The following TGFBRAP1 variants were observed in gnomAD, a reference collection of about 807,000 sequenced individuals.
The protein encoded by TGFBRAP1 is transforming growth factor-beta receptor-associated protein 1.
A neutral mutation model predicts 83.2 loss-of-function variants in TGFBRAP1; 20 were observed. The observed-to-expected ratio is 0.24, with a 90% CI of 0.17 to 0.35. The LOEUF (loss-of-function observed/expected upper bound fraction) is 0.35. Among genes scored for constraint, TGFBRAP1 ranks in the 10% least tolerant of loss-of-function variants. TGFBRAP1 has a pLI of 1.00. For synonymous variants in TGFBRAP1, 415 were observed against 459.8 expected (o/e 0.90, Z 1.25); for missense variants, 950 against 1,099.4 (o/e 0.86, Z 1.92).
At chr2:105,263,034 C>T (rs946452285), downstream of TGFBRAP1, among the ~76,000 whole-genome samples, 4 of 152,154 alleles carry the variant, frequency 2.6e-5, no homozygotes, top group African/African-American at 9.7e-5. Flanking sequence ...GAGTCACAGC[C>T]CATTTAACTG....
chr2:105,293,872 T>C (rs1573188789), intron 4 of TGFBRAP1, among the ~76,000 whole-genome samples: 1 of 152,132 alleles, frequency 6.6e-6, no homozygotes. Flanking sequence ...GGGAGAAGTA[T>C]GGCGCTGAGG....
At chr2:105,290,537 T>C (rs865884152) in intron 4 of TGFBRAP1, among the ~76,000 whole-genome samples, 65 of 152,088 alleles carry the variant, frequency 4.3e-4, no homozygotes, top group South Asian at 2.9e-3. Flanking sequence ...AATTTGTTTA[T>C]AGGTTTTGCC....
chr2:105,296,627 T>C (rs2104371450), intron 3 of TGFBRAP1, 117 bp from the exon 4 acceptor site: 1 of 1,170,682 alleles, frequency 8.5e-7, no homozygotes, highest in Admixed American at 3.0e-5. Context: ...ACCATAGTTT[T>C]CTCAAAGGAA....
chr2:105,272,823 C>G (rs766581981), intron 10 of TGFBRAP1, 32 bp downstream of exon 10: 3 of 1,602,340 alleles, frequency 1.9e-6, no homozygotes, highest in African/African-American at 1.3e-5. Context: ...TGAGTTTTTT[C>G]CAAAGGGAGA....
the TGFBRAP1 span, among the ~76,000 whole-genome samples, chr2:105,253,835 T>C: frequency 2.0e-5 from 3 of 152,248 alleles, no homozygotes; most frequent in African/African-American, 7.2e-5. Context: ...GTGTGTTTAT[T>C]GGAGGGTTTT....
Position 105,275,541 on chromosome 2 carries a change from A to G in TGFBRAP1, c.1665+19T>C, listed in dbSNP as rs1246681694. ...CACCTCCCCCAACCAAAGAGAATGC[A>G]TTTTTACGAAGCACAAACCTCTTCA... On this transcript the variant is annotated intron_variant, in intron 8 of 11. Coordinates refer to ENST00000393359, the MANE Select transcript of TGFBRAP1 (RefSeq NM_004257.6). 1 of 1,612,418 alleles carries G rather than the reference A, an allele frequency of 6.2e-7. No homozygotes were observed. Among genetic ancestry groups the G allele is most frequent in the Middle Eastern group, 1.7e-4 (1 of 6,060 alleles).
In TGFBRAP1 at chr2:105,284,342, C is replaced by T; in HGVS notation, c.1095G>A (p.Gln365=). 1.2e-6 allele frequency: 2 copies of T among 1,614,030 alleles called. No homozygotes were observed. Among genetic ancestry groups the T allele is most frequent in the Non-Finnish European group, 1.7e-6 (2 of 1,179,952 alleles). The change falls in exon 5 of 12, where the codon CAG becomes CAA. Residue 365 remains glutamine, a synonymous_variant. Coordinates refer to ENST00000393359, the MANE Select transcript of TGFBRAP1 (RefSeq NM_004257.6). ...QAGFIQFAQL[Q]FLEAKELFRS... is the part of the protein sequence containing the mutation. Reference sequence around the variant, plus strand: ...TGAAGAGCTCTTTAGCTTCCAGGAACTGAAGTTGTGCAAACTGTATAAATC... The same window carrying T: ...TGAAGAGCTCTTTAGCTTCCAGGAATTGAAGTTGTGCAAACTGTATAAATC...
Position 105,269,753 on chromosome 2 carries a change from C to T in TGFBRAP1, c.1973-48G>A. The T allele has an allele frequency of 6.9e-7, 1 of 1,448,728 alleles. No individual in the cohort carries two copies. Among genetic ancestry groups the T allele is most frequent in the Non-Finnish European group, 9.1e-7 (1 of 1,103,516 alleles). The allele number at this position is 1,448,728 out of a possible 1,614,324, so 89.7% of individuals were successfully genotyped here. On this transcript the variant is annotated intron_variant, in intron 10 of 11. Coordinates refer to ENST00000393359, the MANE Select transcript of TGFBRAP1 (RefSeq NM_004257.6). This position sits in a 1 kb window ranked among gnomAD's most constrained non-coding sequence, Gnocchi z 4.1. The stretch of plus-strand genomic sequence containing the variant: ...CAGAAAGAAAGGGGCTCGCCGGCCA[C>T]CCGCCCAGCGACTGGCCTCCTTGCT...
intron 10 of TGFBRAP1, among the ~76,000 whole-genome samples, chr2:105,271,794 A>G (rs901575816): frequency 6.6e-6 from 1 of 152,188 alleles, no homozygotes; most frequent in Non-Finnish European, 1.5e-5. Context: ...TAACCTCCCA[A>G]TCAACACTCG....
the TGFBRAP1 span, among the ~76,000 whole-genome samples, chr2:105,253,930 G>A: frequency 6.6e-6 from 1 of 152,006 alleles, no homozygotes; most frequent in Non-Finnish European, 1.5e-5. Flanking sequence ...TTTGTGGCCC[G>A]GTTTTTATCT....
intron 4 of TGFBRAP1, among the ~76,000 whole-genome samples, chr2:105,290,725 C>G (rs115748336): frequency 2.0e-5 from 3 of 151,380 alleles, no homozygotes; most frequent in African/African-American, 7.3e-5. Flanking sequence ...CCAAAACCAG[C>G]TGGGCAAGGT....
chr2:105,284,974 C>A (rs1216860852), intron 4 of TGFBRAP1, among the ~76,000 whole-genome samples: 2 of 152,194 alleles, frequency 1.3e-5, no homozygotes, highest in African/African-American at 4.8e-5. Context: ...ATTTCCATGA[C>A]CACTTTGTTC....
At chr2:105,284,532 G>T in intron 4 of TGFBRAP1, 134 bp from the exon 5 acceptor site, 3 of 748,028 alleles carry the variant, frequency 4.0e-6, no homozygotes, top group South Asian at 3.4e-5. Context: ...AAAACAAGGT[G>T]CATATGAAAT....
In TGFBRAP1 at chr2:105,273,553, C is replaced by T. The variant is rs749537306; in HGVS notation, c.1803G>A (p.Lys601=). ...CTTCTGCAGTGCTCACCTGCAGTCTCTTGTCTATCACAAGATGTTCCAGAT... is the reference window on the plus strand; with the variant it reads ...CTTCTGCAGTGCTCACCTGCAGTCTTTTGTCTATCACAAGATGTTCCAGAT... ...VKYLEHLVID[K]RLQKEEYHTH... The change falls in exon 9 of 12, where the codon AAG becomes AAA. Residue 601 remains lysine, a synonymous_variant. Transcript: ENST00000393359. 2.5e-6 allele frequency: 4 copies of T among 1,614,144 alleles called. No individual in the cohort carries two copies. The highest frequency in any genetic ancestry group is 3.4e-6 in the Non-Finnish European group (4 of 1,180,016).
intron 1 of TGFBRAP1, among the ~76,000 whole-genome samples, chr2:105,314,304 G>A (rs1421649172): frequency 6.9e-6 from 1 of 145,050 alleles, no homozygotes; most frequent in Non-Finnish European, 1.5e-5. Context: ...AGGCTGGAGT[G>A]CAGTGTTGTG....
chr2:105,309,503 G>T (rs1678623935), intron 1 of TGFBRAP1, among the ~76,000 whole-genome samples: 1 of 152,216 alleles, frequency 6.6e-6, no homozygotes, highest in Non-Finnish European at 1.5e-5. Context: ...TTCAAGAAAG[G>T]TTCACGCATC....
At chr2:105,280,829 G>A in intron 5 of TGFBRAP1, 106 bp from the exon 6 acceptor site, 2 of 1,253,808 alleles carry the variant, frequency 1.6e-6, no homozygotes, top group Non-Finnish European at 2.2e-6. Flanking sequence ...GTTCACAGGG[G>A]GCTGGGGAGC....
rs193087536 is a variant in TGFBRAP1 at position 105,278,535 on chromosome 2, G to A, written c.1464-864C>T. Among the ~76,000 whole-genome samples the A allele has an allele frequency of 9.9e-5, 15 of 152,184 alleles. 1 individual carries two copies. The highest frequency in any genetic ancestry group is 3.9e-4 in the Admixed American group (6 of 15,272). ...AGTCCAGCTTCATTATTTATAACCC[G>A]CGTGACCTTGAGCAAGTAGGTTAAC... On this transcript the variant is annotated intron_variant, in intron 6 of 11. Transcript: ENST00000393359.
At position 105,272,936 on chromosome 2, in the gene TGFBRAP1, C is replaced by G; in HGVS notation, c.1891G>C (p.Gly631Arg). Residue 631 changes from glycine (G) to arginine (R), a missense_variant, in exon 10 of 12, where the codon GGT becomes CGT. Physicochemically the swap from Gly to Arg is moderately radical, Grantham distance 125. Transcript: ENST00000393359. ...GCCTGCGTCTCGGTGGCCTCTGCAC[C>G]CTTGCCACTGGCGGAGGCCCTCTGC... ...LLQRASASGK[G>R]AEATETQAKL... The G allele has an allele frequency of 6.2e-7, 1 of 1,612,382 alleles. No individual in the cohort carries two copies. Among genetic ancestry groups the G allele is most frequent in the East Asian group, 2.2e-5 (1 of 44,868 alleles).
Sources: gnomAD v4.1 joint callset for allele counts (sites outside exome capture counted in the v4.1 genomes callset) on GRCh38, gnomAD v4.1.1 for gene constraint, Gnocchi (gnomAD v3.1) non-coding constraint, MANE v1.5 for transcripts, NCBI Gene and HGNC (gene_info 2026-07-23, HGNC 2026-07-21) for gene names.